Variants in LURAP1L observed in about 807,000 individuals in gnomAD.
The protein encoded by LURAP1L is leucine rich adaptor protein 1-like.
In LURAP1L, 12 loss-of-function variants were observed where a neutral mutation model predicts 13.8. The ratio of observed to expected loss-of-function variants is 0.87; its 90% CI spans 0.56 to 1.41. LURAP1L has a LOEUF of 1.41. Ranked by LOEUF, LURAP1L falls within the 40% of genes most tolerant of loss-of-function variation. LURAP1L has a pLI of 0.00. For missense variants in LURAP1L, 375 were observed against 292.9 expected (o/e 1.28, Z -2.04); for synonymous variants, 139 against 119.2 (o/e 1.17, Z -1.08).
chr9:12,785,933 C>G (rs766222436), intron 1 of LURAP1L, among the ~76,000 whole-genome samples: 23 of 152,128 alleles, frequency 1.5e-4, no homozygotes, highest in Non-Finnish European at 7.4e-5. Flanking sequence ...GGGTTCTATT[C>G]AGCCGTCTTG....
chr9:12,780,854 T>C (rs1453906036), intron 1 of LURAP1L, among the ~76,000 whole-genome samples: 1 of 152,200 alleles, frequency 6.6e-6, no homozygotes, highest in Non-Finnish European at 1.5e-5. Context: ...TTTTACTCTA[T>C]ACTCCAGAGG....
intron 1 of LURAP1L, among the ~76,000 whole-genome samples, chr9:12,820,512 CCCA>C (rs1333620225): frequency 7.4e-4 from 66 of 88,846 alleles, no homozygotes; most frequent in African/African-American, 2.5e-3. Flanking sequence ...CCCCCCCCCC[CCCA>C]AAAAAAAAAA....
chr9:12,787,695 T>A (rs866363240), intron 1 of LURAP1L, among the ~76,000 whole-genome samples: 14 of 152,196 alleles, frequency 9.2e-5, no homozygotes, highest in African/African-American at 3.4e-4. Flanking sequence ...TTAATTGGCA[T>A]TCCAGTTGTT....
chr9:12,820,961 T>C (rs1221926670), intron 1 of LURAP1L, among the ~76,000 whole-genome samples: 1 of 152,216 alleles, frequency 6.6e-6, no homozygotes, highest in African/African-American at 2.4e-5. Flanking sequence ...TTTTAGAGGC[T>C]TCTACGATGC....
intron 1 of LURAP1L, among the ~76,000 whole-genome samples, chr9:12,814,750 T>C (rs553317458): frequency 1.3e-5 from 2 of 152,234 alleles, no homozygotes; most frequent in Non-Finnish European, 2.9e-5. Context: ...ACTGTGCTGA[T>C]GACAGTATTT....
At chr9:12,814,758 T>C (rs1819782062) in intron 1 of LURAP1L, among the ~76,000 whole-genome samples, 2 of 152,216 alleles carry the variant, frequency 1.3e-5, no homozygotes, top group African/African-American at 4.8e-5. Flanking sequence ...GATGACAGTA[T>C]TTTTATGTAT....
At chr9:12,779,411 A>G (rs1378266799) in intron 1 of LURAP1L, among the ~76,000 whole-genome samples, 1 of 151,196 alleles carries the variant, frequency 6.6e-6, no homozygotes, top group African/African-American at 2.4e-5. Context: ...AGTAGCTGGG[A>G]CTACAGGCAC....
In LURAP1L at chr9:12,822,767, T is replaced by C. The variant is rs1386431672; in HGVS notation, c.*1007T>C. On this transcript the variant is annotated 3_prime_UTR_variant, in exon 2 of 2. Transcript: ENST00000319264. ...TCTGAAATGGAATATTTAACGCACA[T>C]AGACAGTGGATATTTACTTTAAATA... 6.6e-6 allele frequency among the ~76,000 whole-genome samples: 1 copy of C among 152,184 alleles called. No homozygotes were observed. The highest frequency in any genetic ancestry group is 2.4e-5 in the African/African-American group (1 of 41,462).
chr9:12,789,824 G>A (rs1819415125), intron 1 of LURAP1L, among the ~76,000 whole-genome samples: 1 of 152,156 alleles, frequency 6.6e-6, no homozygotes, highest in Admixed American at 6.5e-5. Context: ...TTTGCCCAGA[G>A]AGCAGAAAAG....
chr9:12,782,120 C>G (rs1177049161), intron 1 of LURAP1L, among the ~76,000 whole-genome samples: 2 of 152,154 alleles, frequency 1.3e-5, no homozygotes, highest in African/African-American at 4.8e-5. Context: ...ATTTTTCCTA[C>G]TGAGTTGTTT....
intron 1 of LURAP1L, among the ~76,000 whole-genome samples, chr9:12,785,434 C>T (rs1167477074): frequency 6.6e-6 from 1 of 152,070 alleles, no homozygotes; most frequent in African/African-American, 2.4e-5. Context: ...CAGAACTTGC[C>T]TGGGAACTTT....
At position 12,822,336 on chromosome 9, in the gene LURAP1L, A is replaced by G. The variant is rs1819892531; in HGVS notation, c.*576A>G. Among the ~76,000 whole-genome samples the G allele has an allele frequency of 6.6e-6, 1 of 152,180 alleles. No homozygotes were observed. The highest frequency in any genetic ancestry group is 1.9e-4 in the East Asian group (1 of 5,194). On this transcript the variant is annotated 3_prime_UTR_variant, in exon 2 of 2. Transcript: ENST00000319264. Reference sequence around the variant, plus strand: ...ATCATCTGAAAGTCCCCAACTATACACATTCTGTTCAACCAACTCACCCTT... The same window carrying G: ...ATCATCTGAAAGTCCCCAACTATACGCATTCTGTTCAACCAACTCACCCTT...
At chr9:12,810,356 A>G (rs1288629202) in intron 1 of LURAP1L, among the ~76,000 whole-genome samples, 2 of 152,116 alleles carry the variant, frequency 1.3e-5, no homozygotes, top group African/African-American at 4.8e-5. Context: ...TGTTCCTGTT[A>G]AGCTATGATT....
At chr9:12,810,439 A>C (rs1040228002) in intron 1 of LURAP1L, among the ~76,000 whole-genome samples, 3 of 152,174 alleles carry the variant, frequency 2.0e-5, no homozygotes, top group African/African-American at 7.2e-5. Context: ...GAACCTAAGC[A>C]TAGTTGTTGA....
At chr9:12,797,727 T>C (rs1394042946) in intron 1 of LURAP1L, among the ~76,000 whole-genome samples, 1 of 152,166 alleles carries the variant, frequency 6.6e-6, no homozygotes, top group Non-Finnish European at 1.5e-5. Context: ...ATACTTGCTT[T>C]AATAGAGAAA....
chr9:12,820,722 T>C (rs1819867615), intron 1 of LURAP1L, among the ~76,000 whole-genome samples: 1 of 152,100 alleles, frequency 6.6e-6, no homozygotes, highest in Non-Finnish European at 1.5e-5. Flanking sequence ...ATTAGAGCAA[T>C]TTGGTTCTTA....
chr9:12,796,719 C>T (rs16929574), intron 1 of LURAP1L, among the ~76,000 whole-genome samples: 20,415 of 151,736 alleles, frequency 0.13, 1,578 homozygotes, highest in South Asian at 0.23. Flanking sequence ...TGCATAAATG[C>T]TGTATTTACT....
intron 1 of LURAP1L, among the ~76,000 whole-genome samples, chr9:12,791,110 G>A (rs915884322): frequency 1.5e-4 from 23 of 152,076 alleles, no homozygotes; most frequent in African/African-American, 5.6e-4. Flanking sequence ...GCAGTTGCTA[G>A]CAAGCTTATA....
chr9:12,791,599 C>G (rs949574945), intron 1 of LURAP1L, among the ~76,000 whole-genome samples: 1 of 151,774 alleles, frequency 6.6e-6, no homozygotes, highest in Non-Finnish European at 1.5e-5. Flanking sequence ...CACATTCCCC[C>G]AGATGTAAAC....
Sources: allele counts gnomAD v4.1 joint callset (sites outside exome capture counted in the v4.1 genomes callset), GRCh38; gene constraint gnomAD v4.1.1; transcripts MANE v1.5; gene names NCBI Gene and HGNC (gene_info 2026-07-23, HGNC 2026-07-21).